AMPD3: variants seen among roughly 807,000 people sequenced by gnomAD.
AMPD3 encodes adenosine monophosphate deaminase 3.
AMPD3 carries 57 observed loss-of-function variants against 82.3 expected under a neutral mutation model. That is an observed-to-expected ratio of 0.69 (90% confidence interval 0.56 to 0.86). The LOEUF (loss-of-function observed/expected upper bound fraction) is 0.86, where lower values mean the gene tolerates loss of function less well. Among genes scored for constraint, AMPD3 ranks in the 40% least tolerant of loss-of-function variants. The pLI is 0.00. For missense variants in AMPD3, 870 were observed against 1,003.8 expected, an observed-to-expected ratio of 0.87 and a Z score of 1.80; for synonymous variants, 381 against 394.7, an observed-to-expected ratio of 0.97 and a Z score of 0.41.
intron 3 of AMPD3, among the ~76,000 whole-genome samples, chr11:10,480,427 A>C (rs1454413945): frequency 6.7e-6 from 1 of 150,196 alleles, no homozygotes; most frequent in Non-Finnish European, 1.5e-5. Flanking sequence ...CCACTGGAAG[A>C]TGTAAAAGGA....
chr11:10,484,532 G>A lies in AMPD3; in HGVS notation c.590-288G>A, dbSNP rs114844853. The A allele has an allele frequency of 1.9e-4, 187 of 977,582 alleles. No individual in the cohort carries two copies. The African/African-American group carries it at 3.0e-3, about 16-fold the overall frequency. 60.6% of individuals were successfully genotyped at this position (977,582 alleles called of 1,614,324 possible). ...GTTGAAGTGCTAGCCATGTGCCAGG[G>A]ACTGTTCTAGACACTCAGCAGTGAA... On this transcript the variant is annotated intron_variant, in intron 4 of 14. Transcript: ENST00000396553.
At position 10,506,750 on chromosome 11, in the gene AMPD3, T is replaced by G. The variant is rs1338884049; in HGVS notation, c.*866T>G. 6.6e-6 allele frequency: 1 copy of G among 152,262 alleles called. No individual in the cohort carries two copies. The highest frequency in any genetic ancestry group is 1.5e-5 in the Non-Finnish European group (1 of 68,038). The allele number at this position is 152,262 out of a possible 1,614,324, so 9.4% of individuals were successfully genotyped here. The stretch of plus-strand genomic sequence containing the variant: ...TAATATGCTACAACTGTAGGCCAAT[T>G]ATCACTTTACCAATTAAGAGTTAGG... On this transcript the variant is annotated 3_prime_UTR_variant, in exon 15 of 15. Transcript: ENST00000396553. The surrounding 1 kb of genome is among the most constrained non-coding windows in gnomAD (Gnocchi z 4.1).
chr11:10,500,037 T>C (rs1188412797), intron 10 of AMPD3, 49 bp from the exon 11 acceptor site: 2 of 1,612,556 alleles, frequency 1.2e-6, no homozygotes, highest in Non-Finnish European at 1.7e-6. Flanking sequence ...GAACCGAGGC[T>C]GAGTCCTGGT....
Position 10,478,529 on chromosome 11 carries a change from GA to G in AMPD3, c.229del (p.Ser77ValfsTer4). ...QKSVETAKRK[K>X]SFKMIRSQSL... ...TTTCCTTGTCCTTGGCTCTTAGAAA[GA>G]AAAGTTTCAAGATGATTCGGTCCCA... On this transcript the variant is annotated frameshift_variant, in exon 3 of 15. Coordinates refer to ENST00000396553, the MANE Select transcript of AMPD3 (RefSeq NM_001025389.2). LOFTEE classifies it high-confidence loss of function. 6.2e-7 allele frequency: 1 copy of G among 1,614,172 alleles called. No individual in the cohort carries two copies.
At chr11:10,481,301 T>C in intron 3 of AMPD3, 1 of 339,742 alleles carries the variant, frequency 2.9e-6, no homozygotes, top group Non-Finnish European at 4.2e-6. Flanking sequence ...GCTTCTTGTT[T>C]TGTTTCGCCA....
At chr11:10,488,355 G>A in intron 6 of AMPD3, 1 of 985,444 alleles carries the variant, frequency 1.0e-6, no homozygotes, top group Non-Finnish European at 1.2e-6. Flanking sequence ...GAACTGAGCT[G>A]ACTTAGAGTG....
rs1011801466 is a variant in AMPD3, at chr11:10,456,301, G to A, written c.-6+853G>A. The A allele has an allele frequency of 1.5e-4, 241 of 1,601,284 alleles. No individual in the cohort carries two copies. The highest frequency in any genetic ancestry group is 2.0e-4 in the Non-Finnish European group (234 of 1,171,696). On this transcript the variant is annotated intron_variant, in intron 1 of 14. Coordinates refer to ENST00000396553, the MANE Select transcript of AMPD3 (RefSeq NM_001025389.2). The surrounding 1 kb of genome is among the most constrained non-coding windows in gnomAD (Gnocchi z 4.3). ...GCAGACAGGACCCAGCCAGCTGCAC[G>A]CACGCACTGACTCAGCTGAGCCTCC...
rs1020586862 is a variant in AMPD3 at position 10,471,414 on chromosome 11, C to T, written c.222-7112C>T. Among the ~76,000 whole-genome samples, 8 of 152,292 alleles carry T rather than the reference C, an allele frequency of 5.3e-5. No homozygotes were observed. The East Asian group carries it at 1.2e-3, about 22-fold the overall frequency. ...ATGGGCAAAGACTTCATGTATAAAA[C>T]ATCAAAAGCCATGGCAACAAAAGCC... On this transcript the variant is annotated intron_variant, in intron 2 of 14. Coordinates refer to ENST00000396553, the MANE Select transcript of AMPD3 (RefSeq NM_001025389.2).
chr11:10,486,025 C>T (rs1177161039), intron 5 of AMPD3, among the ~76,000 whole-genome samples: 1 of 151,996 alleles, frequency 6.6e-6, no homozygotes, highest in Non-Finnish European at 1.5e-5. Context: ...ATAGTGAGCC[C>T]AATGTGGATG....
In AMPD3 at chr11:10,461,756, A is replaced by G. The variant is rs1848277307; in HGVS notation, c.221+16A>G. The G allele has an allele frequency of 1.3e-6, 2 of 1,590,502 alleles. No individual in the cohort carries two copies. The highest frequency in any genetic ancestry group is 1.7e-6 in the Non-Finnish European group (2 of 1,167,898). ...CCGCAAAAAGGTTTGTTCCCAAGGC[A>G]TGGTTTTCGTGTACATAGAGTCATG... On this transcript the variant is annotated intron_variant, in intron 2 of 14. Transcript: ENST00000396553.
At position 10,506,315 on chromosome 11, in the gene AMPD3, A is replaced by G. The variant is rs751822472; in HGVS notation, c.*431A>G. 33 of 204,572 alleles carry G rather than the reference A, an allele frequency of 1.6e-4. No individual in the cohort carries two copies. The highest frequency in any genetic ancestry group is 2.3e-4 in the Non-Finnish European group (23 of 98,574). 12.7% of individuals were successfully genotyped at this position (204,572 alleles called of 1,614,324 possible). ...TGGCTGGCTGCCTTAAACACAATCAATTTCAAAGCTCCATTTCATAAAGGG... is the reference window on the plus strand; with the variant it reads ...TGGCTGGCTGCCTTAAACACAATCAGTTTCAAAGCTCCATTTCATAAAGGG... On this transcript the variant is annotated 3_prime_UTR_variant, in exon 15 of 15. Transcript: ENST00000396553. This position sits in a 1 kb window ranked among gnomAD's most constrained non-coding sequence, Gnocchi z 4.1.
At position 10,482,045 on chromosome 11, in the gene AMPD3, C is replaced by T. The variant is rs1265390618; in HGVS notation, c.427-18C>T. On this transcript the variant is annotated intron_variant, in intron 3 of 14. Coordinates refer to ENST00000396553, the MANE Select transcript of AMPD3 (RefSeq NM_001025389.2). The stretch of plus-strand genomic sequence containing the variant: ...GGCCTGCTGCATGAACCCTTTCCTG[C>T]CTGCCTCCCTTCTGCAGATCACTTT... 8 of 1,614,186 alleles carry T rather than the reference C, an allele frequency of 5.0e-6. No homozygotes were observed. Among genetic ancestry groups the T allele is most frequent in the Non-Finnish European group, 6.8e-6 (8 of 1,180,028 alleles).
At chr11:10,479,874 C>A in intron 3 of AMPD3, 1 of 984,302 alleles carries the variant, frequency 1.0e-6, no homozygotes, top group Non-Finnish European at 1.2e-6. Context: ...AATTAAGTTC[C>A]CATGGATGGG....
intron 8 of AMPD3, 32 bp from the exon 9 acceptor site, chr11:10,495,538 A>G (rs1479828010): frequency 2.5e-6 from 4 of 1,612,078 alleles, no homozygotes; most frequent in African/African-American, 1.3e-5. Context: ...GCTGGGATGC[A>G]CTGGGGCTGA....
intron 4 of AMPD3, chr11:10,484,505 T>A (rs907443773): frequency 1.0e-5 from 10 of 985,148 alleles, no homozygotes; most frequent in Non-Finnish European, 1.2e-5. Context: ...TTTTAAAAAA[T>A]TGTTGAAGTG....
intron 2 of AMPD3, 110 bp downstream of exon 2, chr11:10,461,850 A>T: frequency 5.7e-6 from 6 of 1,061,226 alleles, no homozygotes; most frequent in Non-Finnish European, 8.5e-6. Flanking sequence ...ATGTCCCTAG[A>T]GCTGTGTTGG....
intron 10 of AMPD3, 90 bp from the exon 11 acceptor site, chr11:10,499,996 G>A (rs1363838783): frequency 1.3e-6 from 2 of 1,577,074 alleles, no homozygotes; most frequent in East Asian, 4.6e-5. Flanking sequence ...CAGACCCACA[G>A]GCCTCTGGCA....
rs551977857 is a variant in AMPD3, at chr11:10,455,293, G to T, written c.-161G>T. On this transcript the variant is annotated 5_prime_UTR_variant, in exon 1 of 15. Coordinates refer to ENST00000396553, the MANE Select transcript of AMPD3 (RefSeq NM_001025389.2). ...TCCTAAAGGGCAGATGAAGATCAGA[G>T]CTTTGCACCCTGTGATGCCATTTTA... The T allele has an allele frequency of 4.1e-6, 4 of 985,492 alleles. No individual in the cohort carries two copies. In the South Asian group the frequency reaches 1.4e-4, roughly 35 times the overall value. The allele number at this position is 985,492 out of a possible 1,614,324, so 61.0% of individuals were successfully genotyped here. A position where few individuals can be genotyped will look rare whatever the true frequency, so the allele number is the denominator to read the frequency against.
chr11:10,461,338 C>T (rs557880170), intron 1 of AMPD3, 177 bp from the exon 2 acceptor site: 190 of 1,586,200 alleles, frequency 1.2e-4, no homozygotes, highest in Non-Finnish European at 1.6e-4. Flanking sequence ...TGCTTCACAT[C>T]CAGTTACTTA....
Sources: gnomAD v4.1 joint callset for allele counts (sites outside exome capture counted in the v4.1 genomes callset) on GRCh38, gnomAD v4.1.1 for gene constraint, Gnocchi (gnomAD v3.1) non-coding constraint, MANE v1.5 for transcripts, NCBI Gene and HGNC (gene_info 2026-07-23, HGNC 2026-07-21) for gene names.